Variants in SMYD3 observed in about 807,000 individuals in gnomAD.
SMYD3 encodes histone-lysine N-methyltransferase SMYD3.
Under a neutral mutation model 57.7 loss-of-function variants are expected in SMYD3, and 36 were observed. The observed-to-expected ratio is 0.62, with a 90% confidence interval of 0.48 to 0.82. SMYD3 has a LOEUF of 0.82. SMYD3 is among the 40% of genes least tolerant of loss of function. The pLI is 0.00. For synonymous variants in SMYD3, 211 were observed against 195.0 expected (o/e 1.08, Z -0.68); for missense variants, 515 against 538.8 (o/e 0.96, Z 0.44).
intron 1 of SMYD3, among the ~76,000 whole-genome samples, chr1:246,438,864 AT>A (rs1315899356): frequency 2.6e-5 from 4 of 151,286 alleles, no homozygotes; most frequent in Admixed American, 1.3e-4. Flanking sequence ...ACAGTTCACA[AT>A]AGGGTTCACG....
chr1:246,287,580 A>T (rs576050502), intron 5 of SMYD3, among the ~76,000 whole-genome samples: 1 of 152,298 alleles, frequency 6.6e-6, no homozygotes, highest in South Asian at 2.1e-4. Context: ...CTATTACCAC[A>T]TCTCTAAGAT....
intron 10 of SMYD3, among the ~76,000 whole-genome samples, chr1:245,823,960 G>A (rs576820881): frequency 2.0e-5 from 3 of 152,314 alleles, no homozygotes; most frequent in South Asian, 4.1e-4. Flanking sequence ...GCAGGGCAGG[G>A]CATGGCCAGA....
At chr1:245,815,725 C>G (rs779151593) in intron 10 of SMYD3, among the ~76,000 whole-genome samples, 13 of 152,208 alleles carry the variant, frequency 8.5e-5, no homozygotes, top group Non-Finnish European at 1.6e-4. Context: ...ACTTTACAGT[C>G]TATAAAGTTT....
intron 5 of SMYD3, among the ~76,000 whole-genome samples, chr1:246,270,493 C>G (rs1000292476): frequency 3.3e-5 from 5 of 152,166 alleles, no homozygotes; most frequent in Non-Finnish European, 7.3e-5. Flanking sequence ...TCTTTCTAGC[C>G]TCTGGCAATC....
intron 5 of SMYD3, among the ~76,000 whole-genome samples, chr1:246,319,258 AC>A (rs2065210054): frequency 6.6e-6 from 1 of 152,180 alleles, no homozygotes; most frequent in Non-Finnish European, 1.5e-5. Flanking sequence ...TATAATCCCA[AC>A]AGCTAAGTAT....
At chr1:246,427,529 A>T (rs1572491523) in intron 1 of SMYD3, among the ~76,000 whole-genome samples, 1 of 141,384 alleles carries the variant, frequency 7.1e-6, no homozygotes, top group South Asian at 2.1e-4. Flanking sequence ...CAAAAAAAAA[A>T]AAAATAAAAA....
In SMYD3 at chr1:245,927,953, CG is replaced by C. The variant is rs766035692; in HGVS notation, c.679del (p.Arg227GlufsTer17). 1.2e-6 allele frequency: 2 copies of C among 1,611,936 alleles called. No individual in the cohort carries two copies. Among genetic ancestry groups the C allele is most frequent in the African/African-American group, 2.7e-5 (2 of 74,784 alleles). On this transcript the variant is annotated frameshift_variant, in exon 7 of 12. Transcript: ENST00000490107. LOFTEE classifies it high-confidence loss of function. The part of the protein sequence containing the change: ...NGPHLLLRAV[R>X]DIEVGEELTI... ...TACCTCCTCTCCCACCTCGATGTCT[CG>C]GACTGCTCGCAGTAAGAGGTGGGGC...
chr1:245,985,344 C>T (rs987627002), intron 5 of SMYD3, among the ~76,000 whole-genome samples: 1 of 152,188 alleles, frequency 6.6e-6, no homozygotes, highest in Non-Finnish European at 1.5e-5. Flanking sequence ...GAATGATCAT[C>T]AATTAGACAA....
intron 5 of SMYD3, among the ~76,000 whole-genome samples, chr1:246,128,970 A>AT (rs137905417): frequency 0.019 from 2,917 of 151,822 alleles, 85 homozygotes; most frequent in African/African-American, 0.065. Flanking sequence ...CACCCTGCTA[A>AT]TTTTTTTGTA....
intron 1 of SMYD3, among the ~76,000 whole-genome samples, chr1:246,421,145 A>C (rs2067137341): frequency 6.6e-6 from 1 of 152,234 alleles, no homozygotes; most frequent in South Asian, 2.1e-4. Context: ...CATGTCTCAT[A>C]TTGATGAAAC....
chr1:246,149,050 G>A (rs59240287), intron 5 of SMYD3, among the ~76,000 whole-genome samples: 8,587 of 152,216 alleles, frequency 0.056, 514 homozygotes, highest in East Asian at 0.22. Flanking sequence ...CCTCATTTGA[G>A]AATCATTTCT....
At chr1:246,453,004 G>GA (rs1298037022) in intron 1 of SMYD3, among the ~76,000 whole-genome samples, 1 of 152,156 alleles carries the variant, frequency 6.6e-6, no homozygotes, top group African/African-American at 2.4e-5. Flanking sequence ...AATCTTATGT[G>GA]AGTTTTATTT....
chr1:246,360,592 T>A (rs1432326062), intron 1 of SMYD3, among the ~76,000 whole-genome samples: 4 of 152,102 alleles, frequency 2.6e-5, no homozygotes, highest in African/African-American at 9.7e-5. Context: ...AGCATAGTAC[T>A]GTTATAAAAA....
At chr1:246,318,261 T>C (rs1558397982) in intron 5 of SMYD3, among the ~76,000 whole-genome samples, 1 of 152,052 alleles carries the variant, frequency 6.6e-6, no homozygotes, top group Non-Finnish European at 1.5e-5. Context: ...TGGCACACAC[T>C]TGTAGTCCCA....
At chr1:246,217,423 C>T (rs1363842992) in intron 5 of SMYD3, among the ~76,000 whole-genome samples, 1 of 151,988 alleles carries the variant, frequency 6.6e-6, no homozygotes, top group East Asian at 1.9e-4. Flanking sequence ...ATGGGAGGAT[C>T]GCTCGAGCCC....
At chr1:245,810,810 TG>T (rs1381873508) in intron 10 of SMYD3, among the ~76,000 whole-genome samples, 1 of 152,070 alleles carries the variant, frequency 6.6e-6, no homozygotes, top group Non-Finnish European at 1.5e-5. Flanking sequence ...AATTGAAATA[TG>T]GGCACGATGC....
intron 5 of SMYD3, among the ~76,000 whole-genome samples, chr1:246,020,023 C>T (rs2059444766): frequency 6.6e-6 from 1 of 152,172 alleles, no homozygotes; most frequent in African/African-American, 2.4e-5. Flanking sequence ...GAAGAGTTTA[C>T]TATCATCTTC....
intron 1 of SMYD3, among the ~76,000 whole-genome samples, chr1:246,386,892 TAA>T (rs10714128): frequency 1.2e-3 from 177 of 147,746 alleles, no homozygotes; most frequent in Non-Finnish European, 2.1e-3. Context: ...CTTTCTGATA[TAA>T]AAAAAAAAAA....
chr1:245,923,145 T>C (rs1035464832), intron 7 of SMYD3, among the ~76,000 whole-genome samples: 4 of 152,148 alleles, frequency 2.6e-5, no homozygotes, highest in African/African-American at 7.2e-5. Context: ...TGAGGTAAAA[T>C]TGAATGTACA....
Sources: gnomAD v4.1 joint callset for allele counts (sites outside exome capture counted in the v4.1 genomes callset) on GRCh38, gnomAD v4.1.1 for gene constraint, MANE v1.5 for transcripts, NCBI Gene and HGNC (gene_info 2026-07-23, HGNC 2026-07-21) for gene names.